PMS1: variants seen among roughly 807,000 people sequenced by gnomAD.
PMS1 encodes the protein PMS1 homolog 1, mismatch repair system component, also known as PMS1 protein homolog 1.
Under a neutral mutation model 93.1 loss-of-function variants are expected in PMS1, and 79 were observed. The observed-to-expected ratio is 0.85, with a 90% CI of 0.71 to 1.02. PMS1 has a LOEUF of 1.02. Ranked by LOEUF, PMS1 falls within the 50% of genes least tolerant of loss-of-function variation. PMS1 has a pLI of 0.00. For missense variants in PMS1, 1,064 were observed against 1,085.3 expected, an observed-to-expected ratio of 0.98 and a Z score of 0.28; for synonymous variants, 335 against 363.4, an observed-to-expected ratio of 0.92 and a Z score of 0.89.
At chr2:189,801,949 G>T (rs2049929886) in intron 3 of PMS1, among the ~76,000 whole-genome samples, 1 of 152,066 alleles carries the variant, frequency 6.6e-6, no homozygotes, top group South Asian at 2.1e-4. Context: ...CACATTTTGG[G>T]GAAATCCTTT....
intron 6 of PMS1, among the ~76,000 whole-genome samples, chr2:189,849,824 ACT>A (rs1182340423): frequency 6.9e-6 from 1 of 143,906 alleles, no homozygotes; most frequent in African/African-American, 2.6e-5. Context: ...CTTTCTTGTG[ACT>A]CTGGCAAGCA....
chr2:189,807,137 AT>A (rs2050414953), intron 4 of PMS1: 1 of 169,940 alleles, frequency 5.9e-6, no homozygotes, highest in South Asian at 2.0e-4. Flanking sequence ...TCATTCACTT[AT>A]TTTGTAAATC....
At chr2:189,798,756 G>GTTT (rs2049587934) in intron 3 of PMS1, among the ~76,000 whole-genome samples, 3 of 125,222 alleles carry the variant, frequency 2.4e-5, no homozygotes, top group East Asian at 2.3e-4. Flanking sequence ...ATAAGTATTT[G>GTTT]ATTTTTTTTT....
rs773542405 is a variant in PMS1, at chr2:189,864,150, C to G, written c.2264C>G (p.Ala755Gly). The change falls in exon 10 of 13, where the codon GCC becomes GGC. Residue 755 changes from alanine (A) to glycine (G), a missense_variant. Coordinates refer to ENST00000441310, the MANE Select transcript of PMS1 (RefSeq NM_000534.5). ...MLLNPYRVEE[A>G]LLFKRLLENH... ...TTAAATCCATATAGAGTAGAAGAAG[C>G]CCTGCTATTTAAAAGACTTCTTGAG... 2 of 1,609,944 alleles carry G rather than the reference C, an allele frequency of 1.2e-6. No individual in the cohort carries two copies. The highest frequency in any genetic ancestry group is 1.7e-6 in the Non-Finnish European group (2 of 1,176,770).
intron 5 of PMS1, among the ~76,000 whole-genome samples, chr2:189,834,568 T>C (rs935135625): frequency 6.6e-6 from 1 of 152,204 alleles, no homozygotes; most frequent in East Asian, 1.9e-4. Flanking sequence ...GAAGAGGGTC[T>C]AGGCAAGAAA....
chr2:189,851,517 C>T (rs73042343), intron 6 of PMS1, among the ~76,000 whole-genome samples: 1 of 152,246 alleles, frequency 6.6e-6, no homozygotes, highest in African/African-American at 2.4e-5. Flanking sequence ...CAAATTGGCA[C>T]AATTTGGCAT....
chr2:189,814,095 A>C (rs1460187347), intron 4 of PMS1, among the ~76,000 whole-genome samples: 1 of 152,164 alleles, frequency 6.6e-6, no homozygotes, highest in African/African-American at 2.4e-5. Flanking sequence ...CTTGATCTCC[A>C]TCAGCTTTTG....
chr2:189,808,531 G>A (rs1260254382), intron 4 of PMS1, among the ~76,000 whole-genome samples: 16 of 151,856 alleles, frequency 1.1e-4, no homozygotes, highest in Admixed American at 9.8e-4. Flanking sequence ...GGGTTTTGCC[G>A]TGTTGGCCAG....
Position 189,863,914 on chromosome 2 carries a change from A to G in PMS1, c.2028A>G (p.Pro676=). The change falls in exon 10 of 13, where the codon CCA becomes CCG. Residue 676 remains proline, a synonymous_variant. Coordinates refer to ENST00000441310, the MANE Select transcript of PMS1 (RefSeq NM_000534.5). Reference sequence around the variant, plus strand: ...TAAAAACCTCATTATCTAATCAACCAAAACTTGATGAACTCCTTCAGTCCC... The same window carrying G: ...TAAAAACCTCATTATCTAATCAACCGAAACTTGATGAACTCCTTCAGTCCC... ...HKLKTSLSNQ[P]KLDELLQSQI... 6.2e-7 allele frequency: 1 copy of G among 1,613,528 alleles called. No homozygotes were observed. Among genetic ancestry groups the G allele is most frequent in the Non-Finnish European group, 8.5e-7 (1 of 1,179,544 alleles).
chr2:189,801,179 G>A (rs62184283), intron 3 of PMS1, among the ~76,000 whole-genome samples: 40,249 of 152,074 alleles, frequency 0.26, 6,187 homozygotes, highest in African/African-American at 0.42. Flanking sequence ...TATATCTGCA[G>A]AGTAAACTAT....
intron 3 of PMS1, among the ~76,000 whole-genome samples, chr2:189,802,197 T>C (rs149653741): frequency 6.6e-6 from 1 of 152,314 alleles, no homozygotes; most frequent in East Asian, 1.9e-4. Context: ...CATCACCCAG[T>C]TGACCCCACC....
At chr2:189,797,911 T>C (rs2049504175) in intron 3 of PMS1, among the ~76,000 whole-genome samples, 2 of 152,354 alleles carry the variant, frequency 1.3e-5, no homozygotes, top group South Asian at 4.1e-4. Flanking sequence ...CTCCTTGACT[T>C]ATGAGGGGAT....
At chr2:189,830,217 A>G (rs1169471710) in intron 5 of PMS1, among the ~76,000 whole-genome samples, 1 of 152,200 alleles carries the variant, frequency 6.6e-6, no homozygotes, top group East Asian at 1.9e-4. Context: ...AAAAACAGGA[A>G]GGCCATGGGC....
At chr2:189,863,060 C>G (rs929860942) in intron 9 of PMS1, among the ~76,000 whole-genome samples, 1 of 152,148 alleles carries the variant, frequency 6.6e-6, no homozygotes, top group Non-Finnish European at 1.5e-5. Context: ...CCCATTAATA[C>G]TGAGGACTGC....
chr2:189,799,073 A>T (rs1342365984), intron 3 of PMS1, among the ~76,000 whole-genome samples: 4 of 152,132 alleles, frequency 2.6e-5, no homozygotes, highest in African/African-American at 9.7e-5. Flanking sequence ...TTGATTACTT[A>T]AACCCACTTG....
At chr2:189,791,968 C>CT (rs1553554694) in intron 2 of PMS1, 27 bp downstream of exon 2, 3 of 1,607,810 alleles carry the variant, frequency 1.9e-6, no homozygotes, top group Non-Finnish European at 2.6e-6. Context: ...ACCCAAATAC[C>CT]TTTAAGACAA....
rs2106460892 is a variant in PMS1 at position 189,854,406 on chromosome 2, G to T, written c.1134G>T (p.Lys378Asn). 1 of 1,605,024 alleles carries T rather than the reference G, an allele frequency of 6.2e-7. No homozygotes were observed. Among genetic ancestry groups the T allele is most frequent in the African/African-American group, 1.3e-5 (1 of 74,752 alleles). Residue 378 changes from lysine to asparagine, a missense_variant, in exon 9 of 13, where the codon AAG becomes AAT. Coordinates refer to ENST00000441310, the MANE Select transcript of PMS1 (RefSeq NM_000534.5). Reference sequence around the variant, plus strand: ...TTAATAAAGTGGAATCATCTGGAAAGAATTATTCAAATGTTGATACTTCAG... The same window carrying T: ...TTAATAAAGTGGAATCATCTGGAAATAATTATTCAAATGTTGATACTTCAG... ...VLFNKVESSG[K>N]NYSNVDTSVI...
At chr2:189,808,502 G>GT (rs560385474) in intron 4 of PMS1, among the ~76,000 whole-genome samples, 294 of 151,554 alleles carry the variant, frequency 1.9e-3, no homozygotes, top group African/African-American at 6.6e-3. Flanking sequence ...GAATTTTTGT[G>GT]TTTTTTTTAG....
chr2:189,800,378 A>G (rs753383965), intron 3 of PMS1, among the ~76,000 whole-genome samples: 18 of 152,180 alleles, frequency 1.2e-4, no homozygotes, highest in South Asian at 2.1e-4. Context: ...TCAATAGATA[A>G]GTTGTTAGGA....
Sources: allele counts gnomAD v4.1 joint callset (sites outside exome capture counted in the v4.1 genomes callset), GRCh38; gene constraint gnomAD v4.1.1; transcripts MANE v1.5; gene names NCBI Gene and HGNC (gene_info 2026-07-23, HGNC 2026-07-21).